The following C7 variants were observed in gnomAD, a reference collection of about 807,000 sequenced individuals.
C7 encodes complement component C7.
Under a neutral mutation model 104.8 loss-of-function variants are expected in C7, and 83 were observed. The observed-to-expected ratio is 0.79, with a 90% confidence interval of 0.66 to 0.95. The LOEUF (loss-of-function observed/expected upper bound fraction) is 0.95. C7 is among the 40% of genes least tolerant of loss of function. The probability of loss-of-function intolerance (pLI) is 0.00; values close to 1 mark genes in which losing one functional copy is unlikely to be tolerated. For missense variants in C7, 1,070 were observed against 1,011.2 expected (o/e 1.06, Z -0.79); for synonymous variants, 415 against 360.6 (o/e 1.15, Z -1.71).
At chr5:40,973,578 A>T (rs1740747513) in intron 15 of C7, among the ~76,000 whole-genome samples, 1 of 152,212 alleles carries the variant, frequency 6.6e-6, no homozygotes, top group Non-Finnish European at 1.5e-5. Flanking sequence ...AATAGGCAAG[A>T]CACACGTCCT....
intron 1 of C7, among the ~76,000 whole-genome samples, chr5:40,910,801 A>AC (rs1338779055): frequency 3.4e-5 from 5 of 148,718 alleles, no homozygotes; most frequent in Non-Finnish European, 5.9e-5. Flanking sequence ...CAAAAAAAAA[A>AC]AAAACAAAAA....
At position 40,931,085 on chromosome 5, in the gene C7, C is replaced by T. The variant is rs749161322; in HGVS notation, c.84C>T (p.Cys28=). 6.2e-7 allele frequency: 1 copy of T among 1,613,264 alleles called. No individual in the cohort carries two copies. The highest frequency in any genetic ancestry group is 8.5e-7 in the Non-Finnish European group (1 of 1,179,318). The change falls in exon 3 of 18, where the codon TGC becomes TGT. Residue 28 remains cysteine, a synonymous_variant. Transcript: ENST00000313164. The part of the protein sequence containing the change: ...SFSSASSPVN[C]QWDFYAPWSE... ...GCAGTGCCTCCTCTCCAGTCAACTGCCAGTGGGACTTCTATGCCCCTTGGT... is the reference window on the plus strand; with the variant it reads ...GCAGTGCCTCCTCTCCAGTCAACTGTCAGTGGGACTTCTATGCCCCTTGGT...
rs1740265861 is a variant in C7, at chr5:40,955,378, T to C, written c.1094-9T>C. 1 of 1,580,198 alleles carries C rather than the reference T, an allele frequency of 6.3e-7. No homozygotes were observed. Among genetic ancestry groups the C allele is most frequent in the East Asian group, 2.3e-5 (1 of 43,026 alleles). On this transcript the variant is annotated splice_polypyrimidine_tract_variant and intron_variant, in intron 9 of 17. Coordinates refer to ENST00000313164, the MANE Select transcript of C7 (RefSeq NM_000587.4). The stretch of plus-strand genomic sequence containing the variant: ...ACTTTTCACTTTTCATTTGCTTTCT[T>C]CTGTATAGGAACCCAGAACAATGTA...
chr5:40,911,424 T>A (rs781157683), intron 1 of C7, among the ~76,000 whole-genome samples: 25 of 152,140 alleles, frequency 1.6e-4, no homozygotes, highest in Non-Finnish European at 3.4e-4. Context: ...GGATCTGAGG[T>A]GTTGGAGAAG....
chr5:40,970,504 G>A (rs1740675776), intron 14 of C7, among the ~76,000 whole-genome samples: 1 of 152,132 alleles, frequency 6.6e-6, no homozygotes, highest in Non-Finnish European at 1.5e-5. Context: ...TAAAGGTGGT[G>A]CTTTAGCTGG....
chr5:40,981,574 G>C lies in C7; in HGVS notation c.*1G>C. On this transcript the variant is annotated 3_prime_UTR_variant, in exon 18 of 18. Transcript: ENST00000313164. ...GCCTTGTGCTGCGGAAACCCAGTAG[G>C]CTCCTGGAGGCCCTGGTCAGCTTGC... The C allele has an allele frequency of 1.9e-6, 3 of 1,601,132 alleles. No homozygotes were observed. Among genetic ancestry groups the C allele is most frequent in the Non-Finnish European group, 2.6e-6 (3 of 1,170,674 alleles).
At chr5:40,981,011 T>C (rs1231701180) in intron 17 of C7, among the ~76,000 whole-genome samples, 1 of 152,178 alleles carries the variant, frequency 6.6e-6, no homozygotes, top group East Asian at 1.9e-4. Flanking sequence ...GCAAGTTAAG[T>C]TCTCTTTTTT....
At chr5:40,942,318 A>G (rs17175825) in intron 6 of C7, among the ~76,000 whole-genome samples, 13,427 of 152,242 alleles carry the variant, frequency 0.088, 736 homozygotes, top group South Asian at 0.2. Flanking sequence ...AGCAAGAAAA[A>G]TGGAAGCTGT....
intron 1 of C7, among the ~76,000 whole-genome samples, chr5:40,923,434 G>T (rs1406304915): frequency 1.3e-5 from 2 of 152,136 alleles, no homozygotes; most frequent in Non-Finnish European, 2.9e-5. Context: ...CATGTCACAT[G>T]GCAATAGTGA....
chr5:40,974,228 G>A (rs201000900), intron 15 of C7, among the ~76,000 whole-genome samples: 24 of 151,530 alleles, frequency 1.6e-4, no homozygotes, highest in East Asian at 5.8e-4. Context: ...TACTGTCCCC[G>A]TAGTTAGTCT....
At chr5:40,910,047 A>G (rs2111598534) in intron 1 of C7, among the ~76,000 whole-genome samples, 1 of 151,038 alleles carries the variant, frequency 6.6e-6, no homozygotes, top group South Asian at 2.1e-4. Context: ...CTAAGAGCTA[A>G]TAGAAAAGCA....
chr5:40,921,477 A>G (rs971723844), intron 1 of C7, among the ~76,000 whole-genome samples: 5 of 152,130 alleles, frequency 3.3e-5, no homozygotes, highest in African/African-American at 1.2e-4. Flanking sequence ...TGAAACAGCA[A>G]AAGACTCCAA....
Position 40,936,437 on chromosome 5 carries a change from C to T in C7, c.380C>T (p.Ser127Phe). 1 of 1,612,916 alleles carries T rather than the reference C, an allele frequency of 6.2e-7. No individual in the cohort carries two copies. The highest frequency in any genetic ancestry group is 8.5e-7 in the Non-Finnish European group (1 of 1,179,158). ...DRCEDSERRP[S>F]CDIDKPPPNI... ...TGTGAGGACTCAGAAAGGAGACCTT[C>T]CTGTGATATCGATAAACCTCCTCCT... The change falls in exon 5 of 18, where the codon TCC (serine) becomes TTC (phenylalanine). Residue 127 changes from serine (S) to phenylalanine (F), a missense_variant. Physicochemically the swap from Ser to Phe is radical, Grantham distance 155. Transcript: ENST00000313164.
chr5:40,983,281 C>T lies in C7; in HGVS notation c.*1708C>T, dbSNP rs1212909403. On this transcript the variant is annotated 3_prime_UTR_variant, in exon 18 of 18. Coordinates refer to ENST00000313164, the MANE Select transcript of C7 (RefSeq NM_000587.4). ...ATTTGGAAGGAAATACCTCAGTATC[C>T]TTCCAATAATTTCTCCTCTTAGCTT... Among the ~76,000 whole-genome samples the T allele has an allele frequency of 2.0e-5, 3 of 152,202 alleles. No homozygotes were observed. Among genetic ancestry groups the T allele is most frequent in the Non-Finnish European group, 4.4e-5 (3 of 68,036 alleles).
At chr5:40,956,281 G>A (rs999314531) in intron 10 of C7, among the ~76,000 whole-genome samples, 4 of 152,196 alleles carry the variant, frequency 2.6e-5, no homozygotes, top group East Asian at 1.9e-4. Context: ...GGTTTTGGAA[G>A]GTTTACGGCT....
rs559232117 is a variant in C7, at chr5:40,922,815, T to C, written c.7-5765T>C. ...AACTAGATTCCTATCTTCTGCCATA[T>C]ACAAAAATAACTCAAAATGAATTAG... On this transcript the variant is annotated intron_variant, in intron 1 of 17. Transcript: ENST00000313164. Among the ~76,000 whole-genome samples, 23 of 152,246 alleles carry C rather than the reference T, an allele frequency of 1.5e-4. No individual in the cohort carries two copies. In the South Asian group the frequency reaches 3.9e-3, roughly 26 times the overall value.
intron 14 of C7, 140 bp from the exon 15 acceptor site, chr5:40,972,263 C>G (rs1453855422): frequency 1.4e-6 from 1 of 707,282 alleles, no homozygotes; most frequent in Admixed American, 2.3e-5. Context: ...TTCAGTCCAC[C>G]CTAACAGTGA....
In C7 at chr5:40,982,990, G is replaced by T. The variant is rs540043550; in HGVS notation, c.*1417G>T. ...TTTAGAGAAGATTTTCATGATGAATGGTTAATGTGTTCTTGCCTGAAGTTT... is the reference window on the plus strand; with the variant it reads ...TTTAGAGAAGATTTTCATGATGAATTGTTAATGTGTTCTTGCCTGAAGTTT... On this transcript the variant is annotated 3_prime_UTR_variant, in exon 18 of 18. Transcript: ENST00000313164. 1 of 152,400 alleles carries T rather than the reference G, an allele frequency of 6.6e-6. No individual in the cohort carries two copies. The highest frequency in any genetic ancestry group is 1.9e-4 in the East Asian group (1 of 5,310). The allele number at this position is 152,400 out of a possible 1,614,324, so 9.4% of individuals were successfully genotyped here. A position where few individuals can be genotyped will look rare whatever the true frequency, so the allele number is the denominator to read the frequency against.
chr5:40,936,888 CAG>C (rs1561243551), intron 5 of C7, among the ~76,000 whole-genome samples: 2 of 152,034 alleles, frequency 1.3e-5, no homozygotes, highest in African/African-American at 4.8e-5. Context: ...AGAAGAGAGA[CAG>C]AAGCAAGTGT....
Sources: gnomAD v4.1 joint callset for allele counts (sites outside exome capture counted in the v4.1 genomes callset) on GRCh38, gnomAD v4.1.1 for gene constraint, MANE v1.5 for transcripts, NCBI Gene and HGNC (gene_info 2026-07-23, HGNC 2026-07-21) for gene names.